The following VEGFC variants were observed in gnomAD, a reference collection of about 807,000 sequenced individuals.
VEGFC encodes the protein FLT4 ligand DHM.
VEGFC carries 12 observed loss-of-function variants against 46.1 expected under a neutral mutation model. The ratio of observed to expected loss-of-function variants is 0.26; its 90% confidence interval spans 0.17 to 0.42. VEGFC has a LOEUF of 0.42. Ranked by LOEUF, VEGFC falls within the 10% of genes least tolerant of loss-of-function variation. The pLI is 1.00. For missense variants in VEGFC, 488 were observed against 529.4 expected, an observed-to-expected ratio of 0.92 and a Z score of 0.77; for synonymous variants, 232 against 195.5, an observed-to-expected ratio of 1.19 and a Z score of -1.56.
intron 1 of VEGFC, among the ~76,000 whole-genome samples, chr4:176,730,916 GCCT>G (rs1013832312): frequency 6.6e-6 from 1 of 151,924 alleles, no homozygotes; most frequent in Admixed American, 6.6e-5. Context: ...TTATAACAGA[GCCT>G]CCTAAAAATA....
intron 1 of VEGFC, among the ~76,000 whole-genome samples, chr4:176,766,586 CAA>C (rs34010850): frequency 0.79 from 107,986 of 137,448 alleles, 42,820 homozygotes; most frequent in East Asian, 0.99. Context: ...CACTCTGTCT[CAA>C]AAAAAAAAAA....
In VEGFC at chr4:176,729,717, C is replaced by T; in HGVS notation, c.177G>A (p.Gln59=). The part of the protein sequence containing the change: ...TAYASKDLEE[Q]LRSVSSVDEL... The stretch of plus-strand genomic sequence containing the variant: ...CATCTACACTGGACACAGACCGTAA[C>T]TGCTCCTCCAGATCTTTGCTTGCAT... The change falls in exon 2 of 7, where the codon CAG becomes CAA. Residue 59 remains glutamine (Q), a synonymous_variant. Coordinates refer to ENST00000618562, the MANE Select transcript of VEGFC (RefSeq NM_005429.5). 1.2e-6 allele frequency: 2 copies of T among 1,605,804 alleles called. No individual in the cohort carries two copies. Among genetic ancestry groups the T allele is most frequent in the South Asian group, 2.2e-5 (2 of 89,732 alleles).
At position 176,768,491 on chromosome 4, in the gene VEGFC, C is replaced by T. The variant is rs200930120; in HGVS notation, c.147+23674G>A. ...CTGCCAAGTAAGAGGATGTTTTATA[C>T]ATATATATATATATATATATATTTC... is the stretch of plus-strand genomic sequence containing the variant. On this transcript the variant is annotated intron_variant, in intron 1 of 6. Coordinates refer to ENST00000618562, the MANE Select transcript of VEGFC (RefSeq NM_005429.5). Among the ~76,000 whole-genome samples the T allele has an allele frequency of 5.5e-4, 55 of 100,550 alleles. 1 individual carries two copies. In the East Asian group the frequency reaches 8.0e-3, roughly 15 times the overall value. 66.0% of individuals were successfully genotyped at this position (100,550 alleles called of 152,430 possible).
In VEGFC at chr4:176,686,413, C is replaced by T. The variant is rs75444457; in HGVS notation, c.1145+774G>A. Among the ~76,000 whole-genome samples, 708 of 152,054 alleles carry T rather than the reference C, an allele frequency of 4.7e-3. 8 individuals carry two copies. In the Middle Eastern group the frequency reaches 0.051, roughly 11 times the overall value. On this transcript the variant is annotated intron_variant, in intron 6 of 6. Transcript: ENST00000618562. ...GTTTGCTCAACTTCACAGTAAGAGG[C>T]TAATAAAATAGAAGAAATTTGGGAA...
chr4:176,737,723 T>C (rs571480768), intron 1 of VEGFC, among the ~76,000 whole-genome samples: 1 of 151,810 alleles, frequency 6.6e-6, no homozygotes, highest in East Asian at 1.9e-4. Flanking sequence ...ATTTTTAGCA[T>C]ATTTTATTCC....
intron 4 of VEGFC, among the ~76,000 whole-genome samples, chr4:176,699,913 T>C (rs562243188): frequency 1.3e-5 from 2 of 152,374 alleles, no homozygotes; most frequent in East Asian, 3.9e-4. Context: ...TTATTGATTC[T>C]GCATGAACTT....
Position 176,687,876 on chromosome 4 carries a change from GTGATTATTCCACA to G in VEGFC, c.743_755del (p.Met248ThrfsTer59). Reference sequence around the variant, plus strand: ...CTTCCTGAGCCAGGCATCTGCAGATGTGATTATTCCACATGTAATTGGTGGGGCAGGTCTTGTT... The same window carrying G: ...CTTCCTGAGCCAGGCATCTGCAGATGTGTAATTGGTGGGGCAGGTCTTGTT... On this transcript the variant is annotated frameshift_variant, in exon 5 of 7. Coordinates refer to ENST00000618562, the MANE Select transcript of VEGFC (RefSeq NM_005429.5). LOFTEE classifies it high-confidence loss of function. The G allele has an allele frequency of 6.2e-7, 1 of 1,613,630 alleles. No individual in the cohort carries two copies. The highest frequency in any genetic ancestry group is 8.5e-7 in the Non-Finnish European group (1 of 1,179,796).
chr4:176,753,158 C>T (rs1735368046), intron 1 of VEGFC, among the ~76,000 whole-genome samples: 1 of 152,014 alleles, frequency 6.6e-6, no homozygotes, highest in Non-Finnish European at 1.5e-5. Context: ...AATGGTAGTG[C>T]TGACTAAAAA....
chr4:176,741,599 G>A (rs1579117159), intron 1 of VEGFC, among the ~76,000 whole-genome samples: 1 of 151,706 alleles, frequency 6.6e-6, no homozygotes, highest in East Asian at 1.9e-4. Context: ...ATTATTCTAT[G>A]GATAATAAAA....
rs369739077 is a variant in VEGFC, at chr4:176,687,878, G to T, written c.754C>A (p.His252Asn). The T allele has an allele frequency of 1.5e-5, 25 of 1,613,572 alleles. No individual in the cohort carries two copies. In the African/African-American group the frequency reaches 3.1e-4, roughly 20 times the overall value. ...TCPTNYMWNNHICRCLAQEDF... is the reference protein window; with the variant it reads ...TCPTNYMWNNNICRCLAQEDF... ...TCCTGAGCCAGGCATCTGCAGATGT[G>T]ATTATTCCACATGTAATTGGTGGGG... Residue 252 changes from histidine to asparagine, a missense_variant, in exon 5 of 7, where the codon CAC becomes AAC. Transcript: ENST00000618562.
chr4:176,737,064 CA>C (rs1456681127), intron 1 of VEGFC, among the ~76,000 whole-genome samples: 1 of 150,526 alleles, frequency 6.6e-6, no homozygotes, highest in African/African-American at 2.4e-5. Flanking sequence ...ACACTATTTA[CA>C]AACCTGACTG....
chr4:176,783,065 GA>G (rs1242571584), intron 1 of VEGFC, among the ~76,000 whole-genome samples: 1 of 152,174 alleles, frequency 6.6e-6, no homozygotes, highest in African/African-American at 2.4e-5. Context: ...TCACAGCACT[GA>G]CTGGCAAATT....
At chr4:176,694,715 C>A (rs1287529265) in intron 4 of VEGFC, among the ~76,000 whole-genome samples, 1 of 145,436 alleles carries the variant, frequency 6.9e-6, no homozygotes, top group Non-Finnish European at 1.5e-5. Context: ...CCAAAATTGA[C>A]CACATACTTG....
intron 4 of VEGFC, among the ~76,000 whole-genome samples, chr4:176,705,396 CTCTG>C (rs1405071876): frequency 6.6e-6 from 1 of 152,160 alleles, no homozygotes; most frequent in Admixed American, 6.6e-5. Flanking sequence ...TGGTATCTAA[CTCTG>C]TCTGCTAAAG....
intron 1 of VEGFC, among the ~76,000 whole-genome samples, chr4:176,742,877 T>C (rs1159872318): frequency 6.6e-6 from 1 of 152,060 alleles, no homozygotes; most frequent in Non-Finnish European, 1.5e-5. Context: ...AAAATTTATA[T>C]GGCAAGAACT....
chr4:176,759,201 T>C (rs1735485074), intron 1 of VEGFC, among the ~76,000 whole-genome samples: 1 of 152,154 alleles, frequency 6.6e-6, no homozygotes, highest in African/African-American at 2.4e-5. Flanking sequence ...GACTACCCTT[T>C]GGAAAGACTT....
intron 1 of VEGFC, among the ~76,000 whole-genome samples, chr4:176,769,274 A>T (rs1174094722): frequency 6.6e-6 from 1 of 152,146 alleles, no homozygotes. Flanking sequence ...TTGTTATAGC[A>T]GGCTGAACAA....
chr4:176,742,440 G>T (rs1214399017), intron 1 of VEGFC, among the ~76,000 whole-genome samples: 1 of 151,856 alleles, frequency 6.6e-6, no homozygotes, highest in African/African-American at 2.4e-5. Flanking sequence ...CTCTTATATA[G>T]TACCACCCGC....
At chr4:176,708,917 C>T (rs547353242) in intron 4 of VEGFC, among the ~76,000 whole-genome samples, 1 of 152,268 alleles carries the variant, frequency 6.6e-6, no homozygotes, top group South Asian at 2.1e-4. Context: ...CTCTTTACAT[C>T]TTTACAGTTT....
Sources: allele counts gnomAD v4.1 joint callset (sites outside exome capture counted in the v4.1 genomes callset), GRCh38; gene constraint gnomAD v4.1.1; transcripts MANE v1.5; gene names NCBI Gene and HGNC (gene_info 2026-07-23, HGNC 2026-07-21).